TCERG1L: variants seen among roughly 807,000 people sequenced by gnomAD.
TCERG1L encodes the protein transcription elongation regulator 1-like protein.
TCERG1L carries 37 observed loss-of-function variants against 56.3 expected under a neutral mutation model. The observed-to-expected ratio is 0.66, with a 90% CI of 0.51 to 0.87. TCERG1L has a LOEUF of 0.87. Among genes scored for constraint, TCERG1L ranks in the 40% least tolerant of loss-of-function variants. The pLI is 0.00. For missense variants in TCERG1L, 799 were observed against 774.2 expected (o/e 1.03, Z -0.38); for synonymous variants, 324 against 326.3 (o/e 0.99, Z 0.08).
intron 3 of TCERG1L, among the ~76,000 whole-genome samples, chr10:131,307,911 G>A (rs759506314): frequency 7.3e-5 from 11 of 151,720 alleles, no homozygotes; most frequent in Non-Finnish European, 1.5e-4. Context: ...CCTATTAAGA[G>A]CTATCAGCAG....
intron 9 of TCERG1L, 91 bp downstream of exon 9, chr10:131,116,708 G>C: frequency 6.7e-7 from 1 of 1,497,362 alleles, no homozygotes; most frequent in Non-Finnish European, 9.0e-7. Flanking sequence ...TGAACTCAGT[G>C]AGGAGGCGAC....
intron 7 of TCERG1L, among the ~76,000 whole-genome samples, chr10:131,139,153 G>A (rs1845705379): frequency 6.6e-6 from 1 of 152,236 alleles, no homozygotes; most frequent in African/African-American, 2.4e-5. Context: ...GTACAAGTGT[G>A]AACTGATCAG....
intron 11 of TCERG1L, chr10:131,095,316 G>A (rs1195789744): frequency 1.3e-5 from 2 of 153,280 alleles, no homozygotes; most frequent in Non-Finnish European, 2.9e-5. Context: ...GCTCTCCCGA[G>A]AGGCGGGCAG....
rs2033793 is a variant in TCERG1L, at chr10:131,165,035, C to T, written c.945+1762G>A. Among the ~76,000 whole-genome samples the T allele has an allele frequency of 6.0e-4, 91 of 152,282 alleles. No homozygotes were observed. In the Middle Eastern group the frequency reaches 0.01, roughly 17 times the overall value. The stretch of plus-strand genomic sequence containing the variant: ...AGGAAAGTGCTAAATTACAGAGGCA[C>T]AGAAGCATGAGATTAGAACAAAAAT... On this transcript the variant is annotated intron_variant, in intron 5 of 11. Transcript: ENST00000368642.
intron 4 of TCERG1L, among the ~76,000 whole-genome samples, chr10:131,223,121 G>C (rs1004760174): frequency 1.3e-5 from 2 of 152,202 alleles, no homozygotes; most frequent in Non-Finnish European, 2.9e-5. Context: ...TGCACATCAA[G>C]TGAGCAGAGG....
chr10:131,192,084 A>C (rs1845310671), intron 4 of TCERG1L, among the ~76,000 whole-genome samples: 1 of 142,660 alleles, frequency 7.0e-6, no homozygotes, highest in Non-Finnish European at 1.5e-5. Context: ...CAGCAGAGTA[A>C]ACTGACAACC....
chr10:131,293,945 C>G (rs1460381285), intron 3 of TCERG1L, among the ~76,000 whole-genome samples: 1 of 152,200 alleles, frequency 6.6e-6, no homozygotes, highest in African/African-American at 2.4e-5. Context: ...CCATCACTGT[C>G]TTTCTGGTTC....
In TCERG1L at chr10:131,202,581, C is replaced by CA. The variant is rs1044207837; in HGVS notation, c.857-35697dup. Among the ~76,000 whole-genome samples the CA allele has an allele frequency of 3.5e-4, 53 of 149,876 alleles. 1 individual carries two copies. The highest frequency in any genetic ancestry group is 2.3e-3 in the South Asian group (11 of 4,690). ...GGGTGACAGAGCAAGACTCCATCTC[C>CA]AAAAAAAAATAAAAATAAAAAACAG... is the stretch of plus-strand genomic sequence containing the variant. On this transcript the variant is annotated intron_variant, in intron 4 of 11. Coordinates refer to ENST00000368642, the MANE Select transcript of TCERG1L (RefSeq NM_174937.4).
In TCERG1L at chr10:131,166,875, T is replaced by C. The variant is rs1407480492; in HGVS notation, c.867A>G (p.Thr289=). Residue 289 remains threonine (T), a synonymous_variant, in exon 5 of 12, where the codon ACA becomes ACG. Transcript: ENST00000368642. ...GAGGGCGGGCCACTCGGCCCCGCTCTGTCCTTGTATCTGTTGGGCCAAAGC... is the reference window on the plus strand; with the variant it reads ...GAGGGCGGGCCACTCGGCCCCGCTCCGTCCTTGTATCTGTTGGGCCAAAGC... ...LRTSPVSDTR[T]ERGRVARPPA... 2.0e-5 allele frequency: 32 copies of C among 1,611,758 alleles called. 1 individual carries two copies. Among genetic ancestry groups the C allele is most frequent in the Non-Finnish European group, 2.6e-5 (31 of 1,179,620 alleles).
intron 3 of TCERG1L, among the ~76,000 whole-genome samples, chr10:131,283,225 G>A (rs1846481909): frequency 1.3e-5 from 2 of 152,196 alleles, no homozygotes; most frequent in African/African-American, 4.8e-5. Flanking sequence ...AGGCTGATCA[G>A]GCCTCCAAGA....
At chr10:131,228,747 T>C (rs867625112) in intron 4 of TCERG1L, among the ~76,000 whole-genome samples, 8 of 63,072 alleles carry the variant, frequency 1.3e-4, no homozygotes, top group Admixed American at 3.1e-4. Flanking sequence ...TCCGGAGTCT[T>C]CCCTCCAGAC....
In TCERG1L at chr10:131,186,702, G is replaced by A. The variant is rs78000389; in HGVS notation, c.857-19817C>T. Among the ~76,000 whole-genome samples, 9 of 152,324 alleles carry A rather than the reference G, an allele frequency of 5.9e-5. No homozygotes were observed. In the East Asian group the frequency reaches 1.5e-3, roughly 26 times the overall value. ...AGCCCCCTTTCCTCGTGCCTCTGGCGAGAAGGCAGAGGGCTGTGGCGCTGA... is the reference window on the plus strand; with the variant it reads ...AGCCCCCTTTCCTCGTGCCTCTGGCAAGAAGGCAGAGGGCTGTGGCGCTGA... On this transcript the variant is annotated intron_variant, in intron 4 of 11. Coordinates refer to ENST00000368642, the MANE Select transcript of TCERG1L (RefSeq NM_174937.4).
At chr10:131,148,625 C>T (rs1845828943) in intron 6 of TCERG1L, among the ~76,000 whole-genome samples, 1 of 152,008 alleles carries the variant, frequency 6.6e-6, no homozygotes, top group African/African-American at 2.4e-5. Context: ...CAGAGACACA[C>T]ATGCACACAC....
At chr10:131,126,498 C>T (rs113001243) in intron 8 of TCERG1L, among the ~76,000 whole-genome samples, 1 of 151,854 alleles carries the variant, frequency 6.6e-6, no homozygotes. Context: ...GAGCAGCAAG[C>T]TCCGGCTCTG....
At chr10:131,244,260 A>G (rs1386140090) in intron 4 of TCERG1L, among the ~76,000 whole-genome samples, 4 of 152,212 alleles carry the variant, frequency 2.6e-5, no homozygotes, top group South Asian at 2.1e-4. Context: ...ATGAGTAAAA[A>G]TAAGTATGAA....
At chr10:131,217,698 A>C (rs1845684004) in intron 4 of TCERG1L, among the ~76,000 whole-genome samples, 1 of 139,264 alleles carries the variant, frequency 7.2e-6, no homozygotes, top group Non-Finnish European at 1.5e-5. Context: ...GACCCTACAC[A>C]GTAGCTGCCC....
chr10:131,152,356 C>T (rs773485391), intron 6 of TCERG1L, among the ~76,000 whole-genome samples: 9 of 152,198 alleles, frequency 5.9e-5, no homozygotes, highest in South Asian at 2.1e-4. Context: ...AGCTGCCAGT[C>T]TCTGCTAAAG....
chr10:131,261,304 T>C (rs990923031), intron 3 of TCERG1L, among the ~76,000 whole-genome samples: 2 of 152,234 alleles, frequency 1.3e-5, no homozygotes, highest in South Asian at 2.1e-4. Flanking sequence ...GGTGGAAACT[T>C]AGTCTGGCCA....
intron 4 of TCERG1L, among the ~76,000 whole-genome samples, chr10:131,172,624 G>A (rs1309006914): frequency 1.3e-5 from 2 of 152,234 alleles, no homozygotes; most frequent in African/African-American, 4.8e-5. Context: ...GCAGCTGGGA[G>A]CAGACCCTGA....
Sources: allele counts gnomAD v4.1 joint callset (sites outside exome capture counted in the v4.1 genomes callset), GRCh38; gene constraint gnomAD v4.1.1; transcripts MANE v1.5; gene names NCBI Gene and HGNC (gene_info 2026-07-23, HGNC 2026-07-21).